ATP1A2: variants seen among roughly 807,000 people sequenced by gnomAD.
The protein encoded by ATP1A2 is ATPase Na+/K+ transporting subunit alpha 2.
Under a neutral mutation model 113.1 loss-of-function variants are expected in ATP1A2, and 56 were observed. That is an observed-to-expected ratio of 0.49 (90% CI 0.40 to 0.62). ATP1A2 has a LOEUF of 0.62. Among genes scored for constraint, ATP1A2 ranks in the 20% least tolerant of loss-of-function variants. ATP1A2 has a pLI of 0.00. For missense variants in ATP1A2, 712 were observed against 1,357.8 expected (o/e 0.52, Z 7.47); for synonymous variants, 490 against 526.8 (o/e 0.93, Z 0.96).
At position 160,135,629 on chromosome 1, in the gene ATP1A2, G is replaced by T; in HGVS notation, c.2284+27G>T. On this transcript the variant is annotated intron_variant, in intron 16 of 22. Transcript: ENST00000361216. The surrounding 1 kb of genome is among the most constrained non-coding windows in gnomAD (Gnocchi z 6.3). ...TGAGGAGGCTGCATGGGTTGGGATG[G>T]TTTGCAGGATACTGAAGCCGGCACC... The T allele has an allele frequency of 1.9e-6, 3 of 1,612,962 alleles. No homozygotes were observed. The highest frequency in any genetic ancestry group is 2.5e-6 in the Non-Finnish European group (3 of 1,180,016).
chr1:160,128,913 G>A (rs748375901), intron 9 of ATP1A2, 63 bp downstream of exon 9: 20 of 1,605,572 alleles, frequency 1.2e-5, no homozygotes, highest in Non-Finnish European at 1.7e-5. Context: ...TGGCGTGGTG[G>A]GGTGAGTGGT....
At chr1:160,138,376 A>G (rs1030412565) in intron 20 of ATP1A2, among the ~76,000 whole-genome samples, 4 of 152,246 alleles carry the variant, frequency 2.6e-5, no homozygotes, top group African/African-American at 9.6e-5. Flanking sequence ...AGCCATGGAT[A>G]GTTCTAATTA....
At chr1:160,117,046 G>A (rs1651208402) in intron 1 of ATP1A2, among the ~76,000 whole-genome samples, 1 of 152,118 alleles carries the variant, frequency 6.6e-6, no homozygotes, top group South Asian at 2.1e-4. Flanking sequence ...CTGTGTTTGT[G>A]TCTCAGCAGG....
rs1485674643 is a variant in ATP1A2 at position 160,135,728 on chromosome 1, C to T, written c.2285-111C>T. On this transcript the variant is annotated intron_variant, in intron 16 of 22. Coordinates refer to ENST00000361216, the MANE Select transcript of ATP1A2 (RefSeq NM_000702.4). The surrounding 1 kb of genome is among the most constrained non-coding windows in gnomAD (Gnocchi z 6.3). ...AGGCAGCCCAGCCCACTTTAGCTTC[C>T]CTTGAACACAAAATCTTCCTCTCTT... The T allele has an allele frequency of 6.2e-7, 1 of 1,609,924 alleles. No homozygotes were observed.
intron 21 of ATP1A2, 62 bp downstream of exon 21, chr1:160,139,803 T>C (rs1055089299): frequency 1.9e-6 from 3 of 1,611,584 alleles, no homozygotes; most frequent in Admixed American, 1.7e-5. Context: ...CCCTCCAGGA[T>C]CCAAGTTCTG....
chr1:160,136,246 G>T lies in ATP1A2; in HGVS notation c.2440-1G>T. 3.1e-6 allele frequency: 5 copies of T among 1,614,162 alleles called. No individual in the cohort carries two copies. The highest frequency in any genetic ancestry group is 2.5e-6 in the Non-Finnish European group (3 of 1,180,032). ...CCTGCCCCATTTCCTACCCCACACA[G>T]GTCCCTGCCATCTCCTTGGCCTATG... On this transcript the variant is annotated splice_acceptor_variant, in intron 17 of 22. Transcript: ENST00000361216. LOFTEE classifies it high-confidence loss of function.
At chr1:160,116,356 T>C (rs1651181150) in intron 1 of ATP1A2, among the ~76,000 whole-genome samples, 1 of 151,538 alleles carries the variant, frequency 6.6e-6, no homozygotes, top group Non-Finnish European at 1.5e-5. Flanking sequence ...GCTCCCAGAG[T>C]CACCAAGTAG....
intron 1 of ATP1A2, among the ~76,000 whole-genome samples, chr1:160,119,271 A>AAAAAAAAAAAAAAAAAAAC (rs1651295004): frequency 6.8e-6 from 1 of 146,694 alleles, no homozygotes; most frequent in Non-Finnish European, 1.5e-5. Context: ...AAAAAAAAAA[A>AAAAAAAAAAAAAAAAAAAC]AAAAAAAAAA....
rs913565057 is a variant in ATP1A2, at chr1:160,136,077, G to T, written c.2439+84G>T. ...GGAGGAGAGGTGCACTGGGGCAGTG[G>T]CCCCAGCTGTGGGGGTTACAGGAGA... On this transcript the variant is annotated intron_variant, in intron 17 of 22. Transcript: ENST00000361216. 170 of 1,609,804 alleles carry T rather than the reference G, an allele frequency of 1.1e-4. 1 individual carries two copies. Among genetic ancestry groups the T allele is most frequent in the Non-Finnish European group, 1.2e-4 (145 of 1,176,942 alleles).
At chr1:160,124,107 G>C (rs768720145) in intron 5 of ATP1A2, 51 bp downstream of exon 5, 3 of 1,603,898 alleles carry the variant, frequency 1.9e-6, no homozygotes, top group East Asian at 4.5e-5. Context: ...TTTGGCAAGA[G>C]TCCAGCTCAT....
chr1:160,138,885 AC>A (rs1558009861), intron 20 of ATP1A2, among the ~76,000 whole-genome samples: 1 of 152,170 alleles, frequency 6.6e-6, no homozygotes, highest in Non-Finnish European at 1.5e-5. Context: ...CTGTCACTGA[AC>A]ATTTCAGTGA....
At chr1:160,130,720 AG>A (rs1268295024) in intron 13 of ATP1A2, 123 bp downstream of exon 13, 2 of 1,368,850 alleles carry the variant, frequency 1.5e-6, no homozygotes, top group Non-Finnish European at 2.0e-6. Flanking sequence ...GACTCAGAGA[AG>A]AAGCTGTCCA....
rs1651503103 is a variant in ATP1A2 at position 160,124,014 on chromosome 1, G to A, written c.453G>A (p.Lys151=). The change falls in exon 5 of 23, where the codon AAG becomes AAA. Residue 151 remains lysine (K), a synonymous_variant. Transcript: ENST00000361216. ...GCTTCTCCTACTACCAGGAGGCCAA[G>A]AGCTCCAAGATCATGGATTCCTTCA... ...TGCFSYYQEA[K]SSKIMDSFKN... 1.9e-6 allele frequency: 3 copies of A among 1,614,074 alleles called. No individual in the cohort carries two copies. Among genetic ancestry groups the A allele is most frequent in the South Asian group, 1.1e-5 (1 of 91,092 alleles).
rs1165052640 is a variant in ATP1A2, at chr1:160,129,024, C to T, written c.1261C>T (p.Arg421Ter). ...KRSPTWTALS[R>*]IAGLCNRAVF... The stretch of plus-strand genomic sequence containing the variant: ...ATCCCCTACGTGGACGGCCCTGTCT[C>T]GAATTGCTGGTCTCTGCAACCGCGC... The change falls in exon 10 of 23, where the codon CGA (arginine) becomes TGA (stop). Residue 421 changes from arginine (R) to a stop codon, truncating the protein, a stop_gained. Transcript: ENST00000361216. LOFTEE classifies it high-confidence loss of function. 11 of 1,611,180 alleles carry T rather than the reference C, an allele frequency of 6.8e-6. No individual in the cohort carries two copies. The highest frequency in any genetic ancestry group is 4.0e-5 in the African/African-American group (3 of 74,844).
At chr1:160,118,707 C>T (rs2101982042) in intron 1 of ATP1A2, among the ~76,000 whole-genome samples, 2 of 152,238 alleles carry the variant, frequency 1.3e-5, no homozygotes, top group Middle Eastern at 6.8e-3. Flanking sequence ...TCCAAAAGCT[C>T]ATATCTTTTT....
Position 160,135,793 on chromosome 1 carries a change from G to A in ATP1A2, c.2285-46G>A, listed in dbSNP as rs746150283. On this transcript the variant is annotated intron_variant, in intron 16 of 22. Transcript: ENST00000361216. The surrounding 1 kb of genome is among the most constrained non-coding windows in gnomAD (Gnocchi z 6.3). ...CCATGCTTCAGGGGCTGGGGGTGGG[G>A]AAGAGTCCCTCTGACCTCCCTGATG... 2.5e-6 allele frequency: 4 copies of A among 1,613,730 alleles called. No individual in the cohort carries two copies. The highest frequency in any genetic ancestry group is 1.7e-5 in the Admixed American group (1 of 59,992).
At chr1:160,125,102 C>G (rs761507952) in intron 6 of ATP1A2, 34 bp from the exon 7 acceptor site, 11 of 1,579,774 alleles carry the variant, frequency 7.0e-6, no homozygotes, top group African/African-American at 5.4e-5. Flanking sequence ...AGTGGCTCTG[C>G]CAGTCTGATG....
chr1:160,123,395 G>T lies in ATP1A2; in HGVS notation c.360G>T (p.Glu120Asp). ...CCTACGGCATCCAGGCTGCCATGGA[G>T]GATGAACCATCCAACGACAATGTGA... ...FLAYGIQAAM[E>D]DEPSNDNLYL... is the part of the protein sequence containing the mutation. Residue 120 changes from glutamate (E) to aspartate (D), a missense_variant, in exon 4 of 23, where the codon GAG (glutamate) becomes GAT (aspartate). Coordinates refer to ENST00000361216, the MANE Select transcript of ATP1A2 (RefSeq NM_000702.4). The T allele has an allele frequency of 6.2e-7, 1 of 1,614,194 alleles. No individual in the cohort carries two copies. The highest frequency in any genetic ancestry group is 8.5e-7 in the Non-Finnish European group (1 of 1,180,038).
intron 13 of ATP1A2, among the ~76,000 whole-genome samples, chr1:160,134,005 A>G (rs745492360): frequency 2.1e-4 from 32 of 151,812 alleles, no homozygotes; most frequent in Non-Finnish European, 2.9e-4. Flanking sequence ...ATTCACACAG[A>G]CACACACAAA....
Sources: allele counts gnomAD v4.1 joint callset (sites outside exome capture counted in the v4.1 genomes callset), GRCh38; gene constraint gnomAD v4.1.1; non-coding constraint Gnocchi (gnomAD v3.1); transcripts MANE v1.5; gene names NCBI Gene and HGNC (gene_info 2026-07-23, HGNC 2026-07-21).